The following CNTNAP4 variants were observed in gnomAD, a reference collection of about 807,000 sequenced individuals.
CNTNAP4 encodes the protein contactin-associated protein-like 4.
CNTNAP4 carries 98 observed loss-of-function variants against 148.4 expected under a neutral mutation model. The observed-to-expected ratio is 0.66, with a 90% CI of 0.56 to 0.78. The LOEUF is 0.78. Among genes scored for constraint, CNTNAP4 ranks in the 30% least tolerant of loss-of-function variants. The pLI is 0.00. For synonymous variants in CNTNAP4, 730 were observed against 565.1 expected (o/e 1.29, Z -4.14); for missense variants, 1,935 against 1,565.6 (o/e 1.24, Z -3.98).
chr16:76,449,502 A>ATG (rs1426115510), intron 6 of CNTNAP4, among the ~76,000 whole-genome samples: 1 of 152,200 alleles, frequency 6.6e-6, no homozygotes, highest in Non-Finnish European at 1.5e-5. Context: ...TCAAAGCCAG[A>ATG]TGTGATCAGC....
At chr16:76,334,010 G>T (rs181561409) in intron 2 of CNTNAP4, among the ~76,000 whole-genome samples, 216 of 151,694 alleles carry the variant, frequency 1.4e-3, no homozygotes, top group African/African-American at 4.8e-3. Flanking sequence ...GATGGCCAAT[G>T]ATGATGAGCA....
At position 76,486,833 on chromosome 16, in the gene CNTNAP4, A is replaced by C. The variant is rs920385163; in HGVS notation, c.1883-2853A>C. On this transcript the variant is annotated intron_variant, in intron 12 of 23. Transcript: ENST00000611870. ...AAGCCCAAGCCTCATAATTTTGTGA[A>C]CCTCCTCTTGTGGTGCAAGTCCAGC... 9.9e-5 allele frequency among the ~76,000 whole-genome samples: 15 copies of C among 152,164 alleles called. No individual in the cohort carries two copies. The East Asian group carries it at 1.4e-3, about 14-fold the overall frequency.
chr16:76,345,569 C>A (rs898046181), intron 2 of CNTNAP4, among the ~76,000 whole-genome samples: 7 of 151,862 alleles, frequency 4.6e-5, no homozygotes, highest in Non-Finnish European at 7.4e-5. Flanking sequence ...ATTGGGGATG[C>A]GGGGGGGATT....
rs1271691817 is a variant in CNTNAP4, at chr16:76,558,630, G to T, written c.3874G>T (p.Glu1292Ter). The T allele has an allele frequency of 6.2e-7, 1 of 1,613,090 alleles. No individual in the cohort carries two copies. The highest frequency in any genetic ancestry group is 2.2e-5 in the East Asian group (1 of 44,848). ...VDSAEAVLKS[E>*]LNIQNAVNEN... ...CAGTGCTGAGGCTGTTCTGAAAAGT[G>T]AGCTTAATATACAAAATGCAGTCAA... The change falls in exon 24 of 24, where the codon GAG (glutamate) becomes TAG (stop). Residue 1292 changes from glutamate (E) to a stop codon, truncating the protein, a stop_gained. Transcript: ENST00000611870. LOFTEE classifies it high-confidence loss of function.
rs531775140 is a variant in CNTNAP4 at position 76,409,142 on chromosome 16, A to G, written c.391-18310A>G. ...TACATGTGGCATTAAGATAAATATC[A>G]TTTAAGTGTAAAATAAGCCCTAATA... On this transcript the variant is annotated intron_variant, in intron 3 of 23. Transcript: ENST00000611870. 4.6e-5 allele frequency among the ~76,000 whole-genome samples: 7 copies of G among 152,128 alleles called. No individual in the cohort carries two copies. In the South Asian group the frequency reaches 1.5e-3, roughly 32 times the overall value.
intron 3 of CNTNAP4, among the ~76,000 whole-genome samples, chr16:76,426,264 TAGAA>T (rs1424615079): frequency 1.3e-5 from 2 of 152,130 alleles, no homozygotes; most frequent in African/African-American, 2.4e-5. Flanking sequence ...ATTTGTGAAT[TAGAA>T]AGAAAAACAG....
At position 76,437,824 on chromosome 16, in the gene CNTNAP4, A is replaced by G. The variant is rs376364413; in HGVS notation, c.539-10188A>G. On this transcript the variant is annotated intron_variant, in intron 4 of 23. Transcript: ENST00000611870. ...AAATGTCTATTTGGCAGCACTAAAT[A>G]AATGACTGGTTCAAGCTAACTATGA... 3.1e-3 allele frequency among the ~76,000 whole-genome samples: 472 copies of G among 152,316 alleles called. 3 individuals are homozygous for G. Among genetic ancestry groups the G allele is most frequent in the African/African-American group, 0.01 (432 of 41,582 alleles).
At chr16:76,424,327 C>A (rs1331970990) in intron 3 of CNTNAP4, among the ~76,000 whole-genome samples, 2 of 152,114 alleles carry the variant, frequency 1.3e-5, no homozygotes, top group African/African-American at 4.8e-5. Flanking sequence ...CAGCTGTTCA[C>A]TCTGCAAGAA....
chr16:76,316,615 A>G, intron 2 of CNTNAP4, 92 bp downstream of exon 2: 1 of 806,858 alleles, frequency 1.2e-6, no homozygotes, highest in Non-Finnish European at 2.1e-6. Context: ...GATACATGGT[A>G]AAAGAAAGTA....
intron 2 of CNTNAP4, among the ~76,000 whole-genome samples, chr16:76,322,606 G>C (rs1962540089): frequency 6.6e-6 from 1 of 152,186 alleles, no homozygotes; most frequent in Non-Finnish European, 1.5e-5. Context: ...ATAACAGTGA[G>C]ATGGTATTGT....
At chr16:76,395,607 A>G (rs1455208456) in intron 3 of CNTNAP4, among the ~76,000 whole-genome samples, 2 of 152,104 alleles carry the variant, frequency 1.3e-5, no homozygotes, top group Admixed American at 1.3e-4. Flanking sequence ...TTATTGGAAA[A>G]AATAATATTT....
At chr16:76,287,411 G>T (rs541557463) in intron 1 of CNTNAP4, among the ~76,000 whole-genome samples, 1 of 152,282 alleles carries the variant, frequency 6.6e-6, no homozygotes, top group Admixed American at 6.5e-5. Context: ...CTTTGTAAAT[G>T]ATCACATTGG....
At chr16:76,419,053 G>A (rs2079086575) in intron 3 of CNTNAP4, among the ~76,000 whole-genome samples, 1 of 151,920 alleles carries the variant, frequency 6.6e-6, no homozygotes, top group Admixed American at 6.6e-5. Context: ...TGTGTAAGAG[G>A]AGCAATGTTC....
chr16:76,310,794 C>T (rs1276960364), intron 1 of CNTNAP4, among the ~76,000 whole-genome samples: 3 of 151,774 alleles, frequency 2.0e-5, no homozygotes, highest in Non-Finnish European at 4.4e-5. Flanking sequence ...AAAATCAGCC[C>T]TATTTTTTTT....
chr16:76,494,742 T>C (rs565365094), intron 13 of CNTNAP4, among the ~76,000 whole-genome samples, 168 bp from the exon 14 acceptor site: 1 of 152,328 alleles, frequency 6.6e-6, no homozygotes, highest in Admixed American at 6.5e-5. Flanking sequence ...AAAGTGTTCT[T>C]AAGGAAATGC....
intron 4 of CNTNAP4, among the ~76,000 whole-genome samples, chr16:76,443,618 C>G (rs766874553): frequency 4.6e-5 from 7 of 152,044 alleles, no homozygotes; most frequent in Non-Finnish European, 1.0e-4. Context: ...AAGGTATTTA[C>G]AAAAGATAGG....
chr16:76,349,215 T>C (rs1321403890), intron 2 of CNTNAP4, among the ~76,000 whole-genome samples: 2 of 152,136 alleles, frequency 1.3e-5, no homozygotes, highest in African/African-American at 4.8e-5. Context: ...CTCCTACAGC[T>C]TGATGCCTGT....
At chr16:76,397,797 T>TTGTA (rs2078252533) in intron 3 of CNTNAP4, among the ~76,000 whole-genome samples, 3 of 144,204 alleles carry the variant, frequency 2.1e-5, no homozygotes, top group Middle Eastern at 3.6e-3. Flanking sequence ...GTGCATGTGT[T>TTGTA]TGTGTGTGTG....
At chr16:76,486,028 C>T (rs1050847224) in intron 12 of CNTNAP4, among the ~76,000 whole-genome samples, 1 of 152,296 alleles carries the variant, frequency 6.6e-6, no homozygotes, top group East Asian at 1.9e-4. Flanking sequence ...TTTCACTTTG[C>T]ACTGTTATCA....
Sources: gnomAD v4.1 joint callset for allele counts (sites outside exome capture counted in the v4.1 genomes callset) on GRCh38, gnomAD v4.1.1 for gene constraint, MANE v1.5 for transcripts, NCBI Gene and HGNC (gene_info 2026-07-23, HGNC 2026-07-21) for gene names.